ZNF420: variants seen among roughly 807,000 people sequenced by gnomAD.
The protein encoded by ZNF420 is ATM and p53-associated KZNF protein.
In ZNF420, 31 loss-of-function variants were observed where a neutral mutation model predicts 44.7. The ratio of observed to expected loss-of-function variants is 0.69; its 90% CI spans 0.52 to 0.94. The LOEUF (loss-of-function observed/expected upper bound fraction) is 0.94. ZNF420 is among the 40% of genes least tolerant of loss of function. The pLI is 0.00. For missense variants in ZNF420, 681 were observed against 827.9 expected, an observed-to-expected ratio of 0.82 and a Z score of 2.18; for synonymous variants, 245 against 267.4, an observed-to-expected ratio of 0.92 and a Z score of 0.82.
intron 4 of ZNF420, among the ~76,000 whole-genome samples, chr19:37,104,038 T>A (rs866606654): frequency 1.8e-4 from 27 of 151,840 alleles, no homozygotes; most frequent in Middle Eastern, 3.2e-3. Context: ...CGTGCAGGTT[T>A]GTTACATATG....
At position 37,129,005 on chromosome 19, in the gene ZNF420, G is replaced by C; in HGVS notation, c.2014G>C (p.Glu672Gln). Residue 672 changes from glutamate (E) to glutamine (Q), a missense_variant, in exon 5 of 5, where the codon GAA becomes CAA. This residue lies in a region of ZNF420 where 280 missense variants were observed against 338.6 expected (regional missense o/e 0.83). Coordinates refer to ENST00000337995, the MANE Select transcript of ZNF420 (RefSeq NM_144689.5). The stretch of plus-strand genomic sequence containing the variant: ...AATTCATATCAGTGAGAAATCTTTT[G>C]AATATAAGGAATGTGGGATTGACTT... ...QRIHISEKSF[E>Q]YKECGIDFSH... 1 of 1,613,810 alleles carries C rather than the reference G, an allele frequency of 6.2e-7. No individual in the cohort carries two copies. Among genetic ancestry groups the C allele is most frequent in the South Asian group, 1.1e-5 (1 of 91,070 alleles).
chr19:37,073,541 C>A (rs1029192765), upstream of ZNF420, among the ~76,000 whole-genome samples: 8 of 151,900 alleles, frequency 5.3e-5, no homozygotes, highest in African/African-American at 1.4e-4. Flanking sequence ...GAGTTTGAGG[C>A]CAGCCTGGCC....
At chr19:37,026,676 G>T (rs1967165874) in intron 1 of ZNF420, among the ~76,000 whole-genome samples, 1 of 151,446 alleles carries the variant, frequency 6.6e-6, no homozygotes, top group Non-Finnish European at 1.5e-5. Flanking sequence ...TGGCCAGGCT[G>T]GTCTCGAACT....
intron 4 of ZNF420, 58 bp downstream of exon 4, chr19:37,091,179 C>G: frequency 6.9e-7 from 1 of 1,440,718 alleles, no homozygotes. Flanking sequence ...GCTTTCTCTG[C>G]TGTTATTTCA....
At chr19:37,116,675 G>C (rs967588477) in intron 4 of ZNF420, among the ~76,000 whole-genome samples, 1 of 152,186 alleles carries the variant, frequency 6.6e-6, no homozygotes, top group Non-Finnish European at 1.5e-5. Flanking sequence ...CTCAGTAAGT[G>C]CAAGGGGTCA....
At chr19:37,061,284 AAG>A (rs889567358) in intron 1 of ZNF420, among the ~76,000 whole-genome samples, 2 of 152,182 alleles carry the variant, frequency 1.3e-5, no homozygotes, top group Non-Finnish European at 2.9e-5. Flanking sequence ...TGGTAAAAGT[AAG>A]AGAAGAATAA....
rs148478861 is a variant in ZNF420 at position 37,037,701 on chromosome 19, AGCCTCAATAGCAT to A, written c.-125+29632_-125+29644del. Among the ~76,000 whole-genome samples the A allele has an allele frequency of 6.2e-3, 941 of 152,338 alleles. 26 individuals are homozygous for A. Among genetic ancestry groups the A allele is most frequent in the East Asian group, 0.05 (257 of 5,180 alleles). On this transcript the variant is annotated intron_variant, in intron 1 of 4. Transcript: ENST00000587029. ...TGGCAGAAAAGAAGTCCATGGCAGCAGCCTCAATAGCATGCCTCAATAGCAGGCCTCAGGTGAT... is the reference window on the plus strand; with the variant it reads ...TGGCAGAAAAGAAGTCCATGGCAGCAGCCTCAATAGCAGGCCTCAGGTGAT...
chr19:37,060,403 C>G (rs577368130), intron 1 of ZNF420, among the ~76,000 whole-genome samples: 1 of 152,124 alleles, frequency 6.6e-6, no homozygotes, highest in Admixed American at 6.5e-5. Context: ...CTCCTCCCCT[C>G]AGCCCGTGGC....
At chr19:37,051,435 T>C (rs1967637410) in intron 1 of ZNF420, among the ~76,000 whole-genome samples, 1 of 152,236 alleles carries the variant, frequency 6.6e-6, no homozygotes, top group Admixed American at 6.5e-5. Context: ...AACGTCTTCC[T>C]GGTTTAGTCT....
chr19:37,119,803 T>G (rs1216975686), intron 4 of ZNF420, among the ~76,000 whole-genome samples: 1 of 152,018 alleles, frequency 6.6e-6, no homozygotes, highest in African/African-American at 2.4e-5. Context: ...TCACCACCAA[T>G]CCCACAGAAA....
intron 1 of ZNF420, among the ~76,000 whole-genome samples, chr19:37,049,316 G>C (rs1967597453): frequency 6.6e-6 from 1 of 152,164 alleles, no homozygotes; most frequent in Non-Finnish European, 1.5e-5. Flanking sequence ...GGTTGAACTA[G>C]TTTACAGTCC....
rs550014157 is a variant in ZNF420, at chr19:37,019,897, C to T, written c.-125+11815C>T. Among the ~76,000 whole-genome samples the T allele has an allele frequency of 7.0e-4, 106 of 152,070 alleles. No homozygotes were observed. The Middle Eastern group carries it at 0.01, about 15-fold the overall frequency. ...CACCCACGTGACAGAGCAGGAGCAT[C>T]GCCATCTTGGACAAACACCGCCATT... is the stretch of plus-strand genomic sequence containing the variant. On this transcript the variant is annotated intron_variant, in intron 1 of 4. Coordinates refer to the ZNF420 transcript ENST00000587029.
intron 1 of ZNF420, among the ~76,000 whole-genome samples, chr19:37,054,629 G>T (rs983260839): frequency 3.3e-5 from 5 of 152,218 alleles, no homozygotes; most frequent in African/African-American, 1.2e-4. Context: ...TTACCACACT[G>T]TTAAGACTCA....
chr19:37,102,894 CT>C (rs576340379), intron 4 of ZNF420, among the ~76,000 whole-genome samples: 2 of 152,062 alleles, frequency 1.3e-5, no homozygotes, highest in African/African-American at 2.4e-5. Flanking sequence ...CTACACGTCA[CT>C]TTTTTTGTAT....
chr19:37,092,083 A>G (rs1425219112), intron 4 of ZNF420: 1 of 152,196 alleles, frequency 6.6e-6, no homozygotes, highest in East Asian at 1.9e-4. Flanking sequence ...ATCCGTATCA[A>G]TTACAACTTT....
At chr19:37,097,551 G>A (rs1738336452) in intron 4 of ZNF420, among the ~76,000 whole-genome samples, 1 of 152,064 alleles carries the variant, frequency 6.6e-6, no homozygotes, top group African/African-American at 2.4e-5. Flanking sequence ...ACTATTAAAT[G>A]TATTTCTATA....
intron 1 of ZNF420, among the ~76,000 whole-genome samples, chr19:37,009,562 T>C (rs1201070842): frequency 6.6e-6 from 1 of 152,170 alleles, no homozygotes; most frequent in African/African-American, 2.4e-5. Flanking sequence ...GACTCACCCC[T>C]GTTCTTGTTT....
chr19:37,061,159 C>T (rs1967873150), intron 1 of ZNF420, among the ~76,000 whole-genome samples: 2 of 152,200 alleles, frequency 1.3e-5, no homozygotes, highest in Non-Finnish European at 2.9e-5. Context: ...CCCTCTGTGA[C>T]ACACATTCAC....
intron 4 of ZNF420, among the ~76,000 whole-genome samples, chr19:37,125,565 C>T (rs73620807): frequency 0.019 from 2,951 of 152,178 alleles, 79 homozygotes; most frequent in East Asian, 0.05. Flanking sequence ...AGAAGTATGA[C>T]GGTGGGTGGA....
Sources: gnomAD v4.1 joint callset for allele counts (sites outside exome capture counted in the v4.1 genomes callset) on GRCh38, gnomAD v4.1.1 for gene constraint, gnomAD v4.1.1 regional missense constraint, MANE v1.5 for transcripts, NCBI Gene and HGNC (gene_info 2026-07-23, HGNC 2026-07-21) for gene names.